MUC3A: variants seen among roughly 807,000 people sequenced by gnomAD.
MUC3A encodes mucin-3A.
A neutral mutation model predicts 109.0 loss-of-function variants in MUC3A; 109 were observed. The observed-to-expected ratio is 1.00, with a 90% confidence interval of 0.86 to 1.17. The LOEUF is 1.17. Ranked by LOEUF, MUC3A falls within the 50% of genes most tolerant of loss-of-function variation. The pLI is 0.00. For synonymous variants in MUC3A, 1,398 were observed against 981.4 expected, an observed-to-expected ratio of 1.42 and a Z score of -7.93; for missense variants, 3,537 against 2,469.4, an observed-to-expected ratio of 1.43 and a Z score of -9.16.
At position 100,955,601 on chromosome 7, in the gene MUC3A, A is replaced by G. The variant is rs1396381666; in HGVS notation, c.3822A>G (p.Thr1274=). 2.1e-6 allele frequency: 1 copy of G among 475,600 alleles called. No homozygotes were observed. Among genetic ancestry groups the G allele is most frequent in the Non-Finnish European group, 3.7e-6 (1 of 273,686 alleles). 29.5% of individuals were successfully genotyped at this position (475,600 alleles called of 1,614,324 possible). Reference sequence around the variant, plus strand: ...TCACAAGTACTGACAGCACTCTAACAAGTTCCCTCCTGACGACCTTCCCAA... The same window carrying G: ...TCACAAGTACTGACAGCACTCTAACGAGTTCCCTCCTGACGACCTTCCCAA... ...PTITSTDSTL[T]SSLLTTFPST... Residue 1274 remains threonine, a synonymous_variant, in exon 2 of 12, where the codon ACA becomes ACG. Coordinates refer to ENST00000379458, the MANE Select transcript of MUC3A (RefSeq NM_005960.2).
In MUC3A at chr7:100,967,188, C is replaced by T. The variant is rs143536045; in HGVS notation, c.*26C>T. The T allele has an allele frequency of 1.1e-5, 18 of 1,598,468 alleles. No homozygotes were observed. The highest frequency in any genetic ancestry group is 1.7e-4 in the Middle Eastern group (1 of 6,060). On this transcript the variant is annotated 3_prime_UTR_variant, in exon 12 of 12. Transcript: ENST00000379458. ...GCCCTGCGGGGCCCCTTCACCACCC[C>T]CTCCGCCCTGCCCCGGACACAAGGG...
At chr7:100,962,260 A>AAAAAAC (rs1792351941) in intron 3 of MUC3A, among the ~76,000 whole-genome samples, 1 of 2,452 alleles carries the variant, frequency 4.1e-4, no homozygotes, top group African/African-American at 9.1e-4. Flanking sequence ...AAAAAAAAAA[A>AAAAAAC]AAAAAAACTT....
intron 6 of MUC3A, 23 bp from the exon 7 acceptor site, chr7:100,965,259 C>T: frequency 6.3e-7 from 1 of 1,598,098 alleles, no homozygotes. Flanking sequence ...CCGCCCATTC[C>T]ATCTGTGCCT....
chr7:100,956,010 A>G lies in MUC3A; in HGVS notation c.4231A>G (p.Asn1411Asp), dbSNP rs1792086505. The change falls in exon 2 of 12, where the codon AAT becomes GAT. Residue 1411 changes from asparagine to aspartate, a missense_variant. By Grantham distance (23) the Asn-to-Asp change is conservative. Coordinates refer to ENST00000379458, the MANE Select transcript of MUC3A (RefSeq NM_005960.2). ...RTTTSWPTAT[N>D]TLSPLTSSIL... is the part of the protein sequence containing the mutation. ...TACGACCTCTTGGCCCACAGCCACTAATACGTTATCACCACTCACCAGTAG... is the reference window on the plus strand; with the variant it reads ...TACGACCTCTTGGCCCACAGCCACTGATACGTTATCACCACTCACCAGTAG... The G allele has an allele frequency of 2.0e-6, 1 of 496,344 alleles. No homozygotes were observed. The highest frequency in any genetic ancestry group is 3.1e-5 in the East Asian group (1 of 32,310). 30.7% of individuals were successfully genotyped at this position (496,344 alleles called of 1,614,324 possible). A position where few individuals can be genotyped will look rare whatever the true frequency, so the allele number is the denominator to read the frequency against.
chr7:100,967,002 A>C (rs1308357466), intron 11 of MUC3A, 51 bp downstream of exon 11: 26 of 1,598,402 alleles, frequency 1.6e-5, no homozygotes, highest in Non-Finnish European at 1.9e-5. Context: ...CCTCCATTCC[A>C]GAATCCCTCC....
rs2116181657 is a variant in MUC3A at position 100,957,703 on chromosome 7, T to G, written c.5924T>G (p.Leu1975Arg). 2.9e-6 allele frequency: 4 copies of G among 1,392,928 alleles called. No individual in the cohort carries two copies. In the East Asian group the frequency reaches 9.1e-5, roughly 32 times the overall value. The allele number at this position is 1,392,928 out of a possible 1,614,324, so 86.3% of individuals were successfully genotyped here. Residue 1975 changes from leucine (L) to arginine (R), a missense_variant, in exon 2 of 12, where the codon CTC becomes CGC. Physicochemically the swap from Leu to Arg is moderately radical, Grantham distance 102 (BLOSUM62 -2). Coordinates refer to ENST00000379458, the MANE Select transcript of MUC3A (RefSeq NM_005960.2). ...ACCACATCCCACAATACTCCCAGCC[T>G]CACTTCTTCAATCACCACCACCAAG... Reference protein sequence around the residue: ...TETTSHNTPSLTSSITTTKTT... With the variant: ...TETTSHNTPSRTSSITTTKTT...
rs762561742 is a variant in MUC3A at position 100,960,896 on chromosome 7, A to G, written c.9011A>G (p.Tyr3004Cys). 27 of 1,598,422 alleles carry G rather than the reference A, an allele frequency of 1.7e-5. No homozygotes were observed. Among genetic ancestry groups the G allele is most frequent in the East Asian group, 6.7e-5 (3 of 44,904 alleles). ...AAATGCCAGTGCCCCAGCACCTTCT[A>G]TGGTTCCAGTTGTGAGTTTGCTGTG... ...GLKCQCPSTF[Y>C]GSSCEFAVEQ... Residue 3004 changes from tyrosine (Y) to cysteine (C), a missense_variant, in exon 3 of 12, where the codon TAT (tyrosine) becomes TGT (cysteine). Transcript: ENST00000379458.
rs866793165 is a variant in MUC3A, at chr7:100,964,718, A to C, written c.9257A>C (p.Tyr3086Ser). ...SLRNGSIVVD[Y>S]LVLLEMPFSP... ...AGGAATGGCAGCATCGTGGTGGACT[A>C]CCTGGTCCTGCTGGAGATGCCCTTC... The change falls in exon 6 of 12, where the codon TAC (tyrosine) becomes TCC (serine). Residue 3086 changes from tyrosine to serine, a missense_variant. Transcript: ENST00000379458. 1 of 1,598,326 alleles carries C rather than the reference A, an allele frequency of 6.3e-7. No homozygotes were observed. Among genetic ancestry groups the C allele is most frequent in the Non-Finnish European group, 8.5e-7 (1 of 1,179,760 alleles).
rs1455177661 is a variant in MUC3A at position 100,963,152 on chromosome 7, T to C, written c.9054T>C (p.Asp3018=). 38 of 1,598,088 alleles carry C rather than the reference T, an allele frequency of 2.4e-5. No individual in the cohort carries two copies. Among genetic ancestry groups the C allele is most frequent in the African/African-American group, 4.0e-5 (3 of 74,956 alleles). Reference sequence around the variant, plus strand: ...TGGGGACATGCATGCTCTGTGTAGATGTAGTGGAGACCGAGGTGGGCATGG... The same window carrying C: ...TGGGGACATGCATGCTCTGTGTAGACGTAGTGGAGACCGAGGTGGGCATGG... The part of the protein sequence containing the change: ...CEFAVEQVDL[D]VVETEVGMEV... Residue 3018 remains aspartate (D), a splice_region_variant and synonymous_variant, in exon 4 of 12, where the codon GAT becomes GAC. Coordinates refer to ENST00000379458, the MANE Select transcript of MUC3A (RefSeq NM_005960.2).
chr7:100,961,728 G>C (rs150830847), intron 3 of MUC3A, among the ~76,000 whole-genome samples: 175 of 152,242 alleles, frequency 1.1e-3, no homozygotes, highest in African/African-American at 4.0e-3. Flanking sequence ...CAGGAAAATC[G>C]CTTGAATCCA....
rs1396381666 is a variant in MUC3A at position 100,955,601 on chromosome 7, A to C, written c.3822A>C (p.Thr1274=). 4.2e-6 allele frequency: 2 copies of C among 475,602 alleles called. No homozygotes were observed. The highest frequency in any genetic ancestry group is 7.3e-6 in the Non-Finnish European group (2 of 273,686). 29.5% of individuals were successfully genotyped at this position (475,602 alleles called of 1,614,324 possible). Residue 1274 remains threonine, a synonymous_variant, in exon 2 of 12, where the codon ACA becomes ACC. Coordinates refer to ENST00000379458, the MANE Select transcript of MUC3A (RefSeq NM_005960.2). ...TCACAAGTACTGACAGCACTCTAAC[A>C]AGTTCCCTCCTGACGACCTTCCCAA... ...PTITSTDSTL[T]SSLLTTFPST... is the part of the protein sequence containing the mutation.
chr7:100,966,644 C>T lies in MUC3A; in HGVS notation c.9786-8C>T, dbSNP rs772559039. 3 of 1,598,384 alleles carry T rather than the reference C, an allele frequency of 1.9e-6. No homozygotes were observed. Among genetic ancestry groups the T allele is most frequent in the African/African-American group, 2.7e-5 (2 of 74,960 alleles). On this transcript the variant is annotated splice_region_variant and splice_polypyrimidine_tract_variant and intron_variant, in intron 9 of 11. Coordinates refer to ENST00000379458, the MANE Select transcript of MUC3A (RefSeq NM_005960.2). ...GGCTCTGTCTGACCGCGCGGCGGCC[C>T]CACCTAGGTCCTGGGACCAGGACAG...
At position 100,960,259 on chromosome 7, in the gene MUC3A, C is replaced by T. The variant is rs145584597; in HGVS notation, c.8480C>T (p.Thr2827Ile). 0.01 allele frequency: 15,368 copies of T among 1,515,546 alleles called. No individual in the cohort carries two copies. Among genetic ancestry groups the T allele is most frequent in the Middle Eastern group, 0.019 (109 of 5,720 alleles). 93.9% of individuals were successfully genotyped at this position (1,515,546 alleles called of 1,614,324 possible). A position where few individuals can be genotyped will look rare whatever the true frequency, so the allele number is the denominator to read the frequency against. The stretch of plus-strand genomic sequence containing the variant: ...ATCAGTATCCAAACTACTCTTACTA[C>T]ATATATGGACACTTCTTCCATGATG... ...TSISIQTTLT[T>I]YMDTSSMMPE... The change falls in exon 2 of 12, where the codon ACA becomes ATA. Residue 2827 changes from threonine (T) to isoleucine (I), a missense_variant. Transcript: ENST00000379458.
Position 100,957,401 on chromosome 7 carries a change from C to A in MUC3A, c.5622C>A (p.Pro1874=), listed in dbSNP as rs1054594800. Residue 1874 remains proline, a synonymous_variant, in exon 2 of 12, where the codon CCC becomes CCA. Coordinates refer to ENST00000379458, the MANE Select transcript of MUC3A (RefSeq NM_005960.2). Reference sequence around the variant, plus strand: ...TGTCCACTGTGACCTCTCTTCGACCCACCTCTTCCTCTCTCCTCACCACAG... The same window carrying A: ...TGTCCACTGTGACCTCTCTTCGACCAACCTCTTCCTCTCTCCTCACCACAG... The part of the protein sequence containing the change: ...GTLSTVTSLR[P]TSSSLLTTVT... 2 of 687,178 alleles carry A rather than the reference C, an allele frequency of 2.9e-6. No individual in the cohort carries two copies. The highest frequency in any genetic ancestry group is 2.2e-6 in the Non-Finnish European group (1 of 455,104). The allele number at this position is 687,178 out of a possible 1,614,324, so 42.6% of individuals were successfully genotyped here.
At chr7:100,951,600 A>C (rs1348543403) in intron 1 of MUC3A, among the ~76,000 whole-genome samples, 2 of 152,220 alleles carry the variant, frequency 1.3e-5, no homozygotes, top group Non-Finnish European at 1.5e-5. Context: ...GACAAGGCCA[A>C]GGCCCGGTGA....
At chr7:100,963,641 C>G (rs1244320102) in intron 4 of MUC3A, 47 bp from the exon 5 acceptor site, 12 of 1,598,140 alleles carry the variant, frequency 7.5e-6, no homozygotes, top group South Asian at 2.2e-5. Flanking sequence ...TGGGTCCCCT[C>G]AGGTCTGCAG....
intron 4 of MUC3A, 102 bp from the exon 5 acceptor site, chr7:100,963,586 G>T: frequency 1.9e-6 from 3 of 1,559,478 alleles, no homozygotes; most frequent in Middle Eastern, 1.7e-4. Context: ...CACCCGGCCG[G>T]GGAGGGGAAT....
rs766016801 is a variant in MUC3A at position 100,958,920 on chromosome 7, A to G, written c.7141A>G (p.Thr2381Ala). 152 of 1,466,128 alleles carry G rather than the reference A, an allele frequency of 1.0e-4. No homozygotes were observed. Among genetic ancestry groups the G allele is most frequent in the East Asian group, 6.1e-4 (25 of 41,260 alleles). 90.8% of individuals were successfully genotyped at this position (1,466,128 alleles called of 1,614,324 possible). ...TCCCAGCTTCAGTTCTTCAATCACC[A>G]CCACTGAGACCCCCTTACACAGTAC... ...STPSFSSSIT[T>A]TETPLHSTPG... The change falls in exon 2 of 12, where the codon ACC becomes GCC. Residue 2381 changes from threonine (T) to alanine (A), a missense_variant. Coordinates refer to ENST00000379458, the MANE Select transcript of MUC3A (RefSeq NM_005960.2).
Position 100,964,726 on chromosome 7 carries a change from C to T in MUC3A, c.9265C>T (p.Leu3089=), listed in dbSNP as rs1398442480. The change falls in exon 6 of 12, where the codon CTG becomes TTG. Residue 3089 remains leucine, a synonymous_variant. Coordinates refer to ENST00000379458, the MANE Select transcript of MUC3A (RefSeq NM_005960.2). The part of the protein sequence containing the change: ...NGSIVVDYLV[L]LEMPFSPQLE... The stretch of plus-strand genomic sequence containing the variant: ...CAGCATCGTGGTGGACTACCTGGTC[C>T]TGCTGGAGATGCCCTTCAGCCCCCA... 1.0e-5 allele frequency: 16 copies of T among 1,598,350 alleles called. No homozygotes were observed. The highest frequency in any genetic ancestry group is 1.6e-4 in the Middle Eastern group (1 of 6,080).
Sources: allele counts gnomAD v4.1 joint callset (sites outside exome capture counted in the v4.1 genomes callset), GRCh38; gene constraint gnomAD v4.1.1; transcripts MANE v1.5; gene names NCBI Gene and HGNC (gene_info 2026-07-23, HGNC 2026-07-21).